The following ARFIP1 variants were observed in gnomAD, a reference collection of about 807,000 sequenced individuals.
ARFIP1 encodes ARF interacting protein 1, also known as arfaptin-1.
Under a neutral mutation model 42.5 loss-of-function variants are expected in ARFIP1, and 24 were observed. The observed-to-expected ratio is 0.57, with a 90% CI of 0.41 to 0.80. ARFIP1 has a LOEUF of 0.80. ARFIP1 is among the 30% of genes least tolerant of loss of function. ARFIP1 has a pLI of 0.00. For synonymous variants in ARFIP1, 141 were observed against 153.7 expected (o/e 0.92, Z 0.61); for missense variants, 354 against 434.0 (o/e 0.82, Z 1.64).
At chr4:152,883,431 A>C (rs1385016999) in intron 7 of ARFIP1, 1 of 152,010 alleles carries the variant, frequency 6.6e-6, no homozygotes, top group Non-Finnish European at 1.5e-5. Flanking sequence ...AAATAAGCTC[A>C]TTTTGCCTCC....
intron 2 of ARFIP1, among the ~76,000 whole-genome samples, chr4:152,853,351 G>A (rs2149868137): frequency 6.6e-6 from 1 of 152,270 alleles, no homozygotes; most frequent in East Asian, 1.9e-4. Flanking sequence ...TTATTGTAGT[G>A]CCTGTCTACT....
chr4:152,868,775 T>C (rs1043764906), intron 3 of ARFIP1, among the ~76,000 whole-genome samples: 1 of 152,182 alleles, frequency 6.6e-6, no homozygotes, highest in African/African-American at 2.4e-5. Context: ...AGAGATACAG[T>C]CTTTGTTTAA....
intron 1 of ARFIP1, among the ~76,000 whole-genome samples, chr4:152,798,859 A>G (rs1731631861): frequency 6.6e-6 from 1 of 152,240 alleles, no homozygotes; most frequent in South Asian, 2.1e-4. Flanking sequence ...GAACAAAAAT[A>G]GAAACAGAAA....
chr4:152,851,068 CT>C (rs1038490204), intron 2 of ARFIP1, among the ~76,000 whole-genome samples: 2 of 152,152 alleles, frequency 1.3e-5, no homozygotes, highest in Non-Finnish European at 2.9e-5. Flanking sequence ...TATGTAGATG[CT>C]TTGGAAGGTT....
At chr4:152,803,516 A>G (rs987581653) in intron 1 of ARFIP1, among the ~76,000 whole-genome samples, 8 of 152,134 alleles carry the variant, frequency 5.3e-5, no homozygotes, top group Non-Finnish European at 1.2e-4. Context: ...ACAACCAGAC[A>G]TTGCTAAATG....
At chr4:152,819,468 G>A (rs1226160559) in intron 1 of ARFIP1, among the ~76,000 whole-genome samples, 1 of 152,136 alleles carries the variant, frequency 6.6e-6, no homozygotes, top group Non-Finnish European at 1.5e-5. Flanking sequence ...GCTGCTGGGA[G>A]ACTAGAGGAC....
intron 5 of ARFIP1, among the ~76,000 whole-genome samples, chr4:152,876,469 G>A (rs1470468975): frequency 6.6e-6 from 1 of 152,202 alleles, no homozygotes; most frequent in Non-Finnish European, 1.5e-5. Flanking sequence ...TTTCTAAGCA[G>A]CAAAGCATTC....
intron 2 of ARFIP1, chr4:152,850,542 G>A (rs950995599): frequency 6.6e-6 from 1 of 152,190 alleles, no homozygotes; most frequent in Non-Finnish European, 1.5e-5. Flanking sequence ...CACAAGAATG[G>A]AAAGCAGTTC....
rs571011627 is a variant in ARFIP1, at chr4:152,792,101, G to C, written c.-10+11875G>C. Among the ~76,000 whole-genome samples, 417 of 152,228 alleles carry C rather than the reference G, an allele frequency of 2.7e-3. 3 individuals are homozygous for C. The highest frequency in any genetic ancestry group is 9.7e-3 in the African/African-American group (405 of 41,546). ...TAATAACTGATCTCTGGAATATCAAGTCTAAAGAAACTAAGCAAAATCACT... is the reference window on the plus strand; with the variant it reads ...TAATAACTGATCTCTGGAATATCAACTCTAAAGAAACTAAGCAAAATCACT... On this transcript the variant is annotated intron_variant, in intron 1 of 8. Coordinates refer to ENST00000353617, the MANE Select transcript of ARFIP1 (RefSeq NM_001025595.3).
At chr4:152,874,179 A>G (rs1210717919) in intron 5 of ARFIP1, among the ~76,000 whole-genome samples, 1 of 152,166 alleles carries the variant, frequency 6.6e-6, no homozygotes, top group Non-Finnish European at 1.5e-5. Flanking sequence ...TCTTATCTCT[A>G]CAATAATCTG....
intron 7 of ARFIP1, among the ~76,000 whole-genome samples, chr4:152,884,373 A>T (rs978632286): frequency 6.6e-6 from 1 of 152,004 alleles, no homozygotes; most frequent in Non-Finnish European, 1.5e-5. Flanking sequence ...CATTTATATA[A>T]GTTTTACTTG....
chr4:152,793,166 C>G (rs1315895000), intron 1 of ARFIP1, among the ~76,000 whole-genome samples: 1 of 151,802 alleles, frequency 6.6e-6, no homozygotes, highest in Non-Finnish European at 1.5e-5. Context: ...CTTCTTAAGT[C>G]TTGTTACTCC....
At chr4:152,870,980 T>A in intron 4 of ARFIP1, 132 bp downstream of exon 4, 1 of 600,450 alleles carries the variant, frequency 1.7e-6, no homozygotes, top group Non-Finnish European at 2.8e-6. Flanking sequence ...GCTGCCTTAT[T>A]AACAATAAAG....
Position 152,912,185 on chromosome 4 carries a change from A to T in ARFIP1, c.*1966A>T, listed in dbSNP as rs1398768600. 1 of 152,154 alleles carries T rather than the reference A, an allele frequency of 6.6e-6. No individual in the cohort carries two copies. Among genetic ancestry groups the T allele is most frequent in the African/African-American group, 2.4e-5 (1 of 41,444 alleles). The allele number at this position is 152,154 out of a possible 1,614,324, so 9.4% of individuals were successfully genotyped here. On this transcript the variant is annotated 3_prime_UTR_variant, in exon 9 of 9. Coordinates refer to ENST00000353617, the MANE Select transcript of ARFIP1 (RefSeq NM_001025595.3). ...TAAATTTAAAATATCCATGATTCTG[A>T]TAGTGGGCACATGACCAAAAGAAAA...
chr4:152,798,340 C>CT, intron 1 of ARFIP1, among the ~76,000 whole-genome samples: 1 of 152,256 alleles, frequency 6.6e-6, no homozygotes, highest in Middle Eastern at 3.4e-3. Flanking sequence ...TCTGTTATTT[C>CT]TTTATTAAAT....
At chr4:152,899,828 A>T (rs957012660) in intron 8 of ARFIP1, among the ~76,000 whole-genome samples, 2 of 152,178 alleles carry the variant, frequency 1.3e-5, no homozygotes, top group African/African-American at 4.8e-5. Flanking sequence ...TTTTATATAT[A>T]TAATACCTAT....
chr4:152,800,514 A>T (rs1728319784), intron 1 of ARFIP1, among the ~76,000 whole-genome samples: 1 of 152,202 alleles, frequency 6.6e-6, no homozygotes, highest in Non-Finnish European at 1.5e-5. Flanking sequence ...ATTTAAAAGT[A>T]GAAGCAAGAA....
At chr4:152,796,552 A>T (rs1416586525) in intron 1 of ARFIP1, 4 of 783,124 alleles carry the variant, frequency 5.1e-6, no homozygotes, top group South Asian at 1.4e-5. Context: ...TTAGCTCGAG[A>T]TTGTCTCTCT....
At chr4:152,875,402 GA>G (rs1370315547) in intron 5 of ARFIP1, among the ~76,000 whole-genome samples, 1 of 105,170 alleles carries the variant, frequency 9.5e-6, no homozygotes, top group African/African-American at 3.8e-5. Flanking sequence ...AAAAAAAAAA[GA>G]ATAATCTCTC....
Sources: allele counts gnomAD v4.1 joint callset (sites outside exome capture counted in the v4.1 genomes callset), GRCh38; gene constraint gnomAD v4.1.1; transcripts MANE v1.5; gene names NCBI Gene and HGNC (gene_info 2026-07-23, HGNC 2026-07-21).